Variants in CDKAL1 observed in about 807,000 individuals in gnomAD.
CDKAL1 encodes CDKAL1 threonylcarbamoyladenosine tRNA methylthiotransferase.
CDKAL1 carries 32 observed loss-of-function variants against 68.2 expected under a neutral mutation model. That is an observed-to-expected ratio of 0.47 (90% CI 0.35 to 0.63). The LOEUF (loss-of-function observed/expected upper bound fraction) is 0.63, where lower values mean the gene tolerates loss of function less well. Among genes scored for constraint, CDKAL1 ranks in the 30% least tolerant of loss-of-function variants. The probability of loss-of-function intolerance (pLI) is 0.00; values close to 1 mark genes in which losing one functional copy is unlikely to be tolerated. For missense variants in CDKAL1, 606 were observed against 696.7 expected (o/e 0.87, Z 1.47); for synonymous variants, 234 against 244.3 (o/e 0.96, Z 0.39).
chr6:20,681,314 G>A (rs942220393), intron 5 of CDKAL1, among the ~76,000 whole-genome samples: 2 of 152,180 alleles, frequency 1.3e-5, no homozygotes, highest in African/African-American at 4.8e-5. Flanking sequence ...TGGGAGATCT[G>A]GTTCTTTCCT....
At chr6:20,777,419 C>T (rs960544478) in intron 7 of CDKAL1, among the ~76,000 whole-genome samples, 1 of 152,126 alleles carries the variant, frequency 6.6e-6, no homozygotes, top group East Asian at 1.9e-4. Flanking sequence ...TTGAGACCAG[C>T]TTGGGCAACA....
chr6:21,093,981 C>T (rs1049312306), intron 12 of CDKAL1, among the ~76,000 whole-genome samples: 1 of 151,008 alleles, frequency 6.6e-6, no homozygotes, highest in East Asian at 2.0e-4. Context: ...ATCCTCCCAC[C>T]TTGGCCTACC....
intron 4 of CDKAL1, among the ~76,000 whole-genome samples, chr6:20,582,387 T>A (rs1765175575): frequency 6.6e-6 from 1 of 152,182 alleles, no homozygotes; most frequent in African/African-American, 2.4e-5. Flanking sequence ...TTCTGTATAT[T>A]TATTTAAGTT....
intron 9 of CDKAL1, among the ~76,000 whole-genome samples, chr6:20,870,955 C>T (rs1260850866): frequency 6.6e-6 from 1 of 152,128 alleles, no homozygotes; most frequent in Non-Finnish European, 1.5e-5. Context: ...TTTAAATTAT[C>T]TTCAAAGAAA....
intron 5 of CDKAL1, among the ~76,000 whole-genome samples, chr6:20,677,821 CATA>C (rs772231042): frequency 1.3e-5 from 2 of 152,218 alleles, no homozygotes; most frequent in African/African-American, 2.4e-5. Context: ...GATGCTGATG[CATA>C]GTGTGCTCAA....
At chr6:20,553,900 C>A (rs1233775157) in intron 4 of CDKAL1, among the ~76,000 whole-genome samples, 1 of 151,584 alleles carries the variant, frequency 6.6e-6, no homozygotes, top group Non-Finnish European at 1.5e-5. Flanking sequence ...GCATGAGCCA[C>A]CGTGCTCGGC....
intron 8 of CDKAL1, among the ~76,000 whole-genome samples, chr6:20,803,330 CAT>C (rs1028354647): frequency 6.6e-6 from 1 of 152,154 alleles, no homozygotes; most frequent in South Asian, 2.1e-4. Context: ...CATTCTGTAA[CAT>C]GTGTTAATGC....
intron 5 of CDKAL1, among the ~76,000 whole-genome samples, chr6:20,733,901 C>G (rs1773067554): frequency 6.6e-6 from 1 of 152,004 alleles, no homozygotes; most frequent in African/African-American, 2.4e-5. Context: ...GTAATCCCAG[C>G]ACTTTGGGAG....
chr6:20,671,768 C>T (rs1769827337), intron 5 of CDKAL1, among the ~76,000 whole-genome samples: 1 of 151,754 alleles, frequency 6.6e-6, no homozygotes, highest in African/African-American at 2.4e-5. Flanking sequence ...CGTTATATTG[C>T]TCAAGCTGGA....
intron 12 of CDKAL1, among the ~76,000 whole-genome samples, chr6:21,100,838 A>T (rs1196344432): frequency 6.6e-6 from 1 of 152,170 alleles, no homozygotes; most frequent in African/African-American, 2.4e-5. Flanking sequence ...TCTTAGGGAC[A>T]CTATCAAAAT....
At chr6:21,017,272 G>T (rs533950937) in intron 11 of CDKAL1, among the ~76,000 whole-genome samples, 44 of 151,662 alleles carry the variant, frequency 2.9e-4, no homozygotes, top group Admixed American at 5.2e-4. Context: ...TGAATGAAGG[G>T]TTTCTTTTGT....
intron 8 of CDKAL1, among the ~76,000 whole-genome samples, chr6:20,829,880 A>C (rs1240994076): frequency 6.6e-6 from 1 of 152,106 alleles, no homozygotes; most frequent in East Asian, 1.9e-4. Flanking sequence ...TACTTTTATT[A>C]TTATTATTTT....
chr6:21,173,796 G>A (rs1230885521), intron 13 of CDKAL1, among the ~76,000 whole-genome samples: 3 of 152,154 alleles, frequency 2.0e-5, no homozygotes, highest in Non-Finnish European at 2.9e-5. Flanking sequence ...AAGGTCAGAC[G>A]CAGTGACTCA....
intron 15 of CDKAL1, among the ~76,000 whole-genome samples, chr6:21,222,390 C>G (rs1019695195): frequency 6.6e-6 from 1 of 152,022 alleles, no homozygotes; most frequent in Non-Finnish European, 1.5e-5. Flanking sequence ...GACTGTGTGA[C>G]CGAGGTCTTA....
intron 10 of CDKAL1, among the ~76,000 whole-genome samples, chr6:20,998,617 A>G (rs1226509906): frequency 2.0e-5 from 3 of 151,814 alleles, no homozygotes; most frequent in Non-Finnish European, 4.4e-5. Flanking sequence ...TCTCAAAAAA[A>G]GAAAAAAGAA....
chr6:20,956,679 C>T (rs139913120), intron 10 of CDKAL1, among the ~76,000 whole-genome samples: 22 of 152,100 alleles, frequency 1.4e-4, no homozygotes, highest in Non-Finnish European at 2.8e-4. Context: ...AAGATTATTT[C>T]GCTGATTTGA....
chr6:21,079,783 T>A (rs1772276550), intron 12 of CDKAL1, among the ~76,000 whole-genome samples: 1 of 152,230 alleles, frequency 6.6e-6, no homozygotes, highest in Non-Finnish European at 1.5e-5. Flanking sequence ...TCTTCTACTC[T>A]GAAGTAGAAA....
At chr6:20,929,524 G>GT (rs1478052867) in intron 9 of CDKAL1, among the ~76,000 whole-genome samples, 3 of 152,126 alleles carry the variant, frequency 2.0e-5, no homozygotes, top group African/African-American at 7.2e-5. Flanking sequence ...CAGATTGGAT[G>GT]TTTTTTGTTT....
Position 20,891,424 on chromosome 6 carries a change from A to G in CDKAL1, c.742+45246A>G, listed in dbSNP as rs142632921. ...TAACACTCCCCCTGGAGTGCAGATC[A>G]TGGGAGGTGAAAGTACCCAACAGAC... On this transcript the variant is annotated intron_variant, in intron 9 of 15. Transcript: ENST00000274695. Among the ~76,000 whole-genome samples the G allele has an allele frequency of 1.7e-3, 261 of 152,176 alleles. 1 individual carries two copies. The highest frequency in any genetic ancestry group is 5.8e-3 in the African/African-American group (241 of 41,518).
Sources: allele counts gnomAD v4.1 joint callset (sites outside exome capture counted in the v4.1 genomes callset), GRCh38; gene constraint gnomAD v4.1.1; transcripts MANE v1.5; gene names NCBI Gene and HGNC (gene_info 2026-07-23, HGNC 2026-07-21).